SRSF4: variants seen among roughly 807,000 people sequenced by gnomAD.
SRSF4 encodes the protein serine and arginine rich splicing factor 4.
In SRSF4, 12 loss-of-function variants were observed where a neutral mutation model predicts 48.8. The ratio of observed to expected loss-of-function variants is 0.25; its 90% CI spans 0.16 to 0.40. The LOEUF (loss-of-function observed/expected upper bound fraction) is 0.40, where lower values mean the gene tolerates loss of function less well. Ranked by LOEUF, SRSF4 falls within the 10% of genes least tolerant of loss-of-function variation. The probability of loss-of-function intolerance (pLI) is 1.00; values close to 1 mark genes in which losing one functional copy is unlikely to be tolerated. For missense variants in SRSF4, 466 were observed against 667.1 expected (o/e 0.70, Z 3.32); for synonymous variants, 248 against 232.5 (o/e 1.07, Z -0.61).
At chr1:29,166,777 T>G (rs1166428738) in intron 1 of SRSF4, 1 of 152,276 alleles carries the variant, frequency 6.6e-6, no homozygotes, top group Admixed American at 6.5e-5. Context: ...GGGCTCACCA[T>G]TACCCAGTCT....
At chr1:29,173,254 C>T (rs1348502593) in intron 1 of SRSF4, 1 of 145,640 alleles carries the variant, frequency 6.9e-6, no homozygotes, top group Non-Finnish European at 1.5e-5. Flanking sequence ...TCTCCTACTT[C>T]AACCTCCCAA....
chr1:29,161,267 G>A (rs1672590503), intron 1 of SRSF4, among the ~76,000 whole-genome samples: 2 of 152,148 alleles, frequency 1.3e-5, no homozygotes, highest in African/African-American at 4.8e-5. Flanking sequence ...TAGCTAAAGT[G>A]CAAAATTTGT....
At chr1:29,178,550 G>T (rs1203555448) in intron 1 of SRSF4, among the ~76,000 whole-genome samples, 2 of 151,574 alleles carry the variant, frequency 1.3e-5, no homozygotes, top group South Asian at 2.1e-4. Flanking sequence ...TAGAGACGGG[G>T]TTTCACCATC....
chr1:29,179,628 T>A (rs1216895224), intron 1 of SRSF4, among the ~76,000 whole-genome samples: 1 of 152,206 alleles, frequency 6.6e-6, no homozygotes, highest in Non-Finnish European at 1.5e-5. Flanking sequence ...CAAGTCACCA[T>A]GCCTGAGCCC....
Position 29,147,785 on chromosome 1 carries a change from CAG to C in SRSF4, c.*623_*624del, listed in dbSNP as rs577869961. 1.1e-4 allele frequency: 18 copies of C among 168,832 alleles called. No individual in the cohort carries two copies. The highest frequency in any genetic ancestry group is 5.2e-4 in the Admixed American group (9 of 17,244). 10.5% of individuals were successfully genotyped at this position (168,832 alleles called of 1,614,324 possible). On this transcript the variant is annotated 3_prime_UTR_variant, in exon 6 of 6. Transcript: ENST00000373795. ...AGTCTTTATTCAAATTTAATGGAAA[CAG>C]GGGTCACTATACTTTGCAAGACGGG...
At chr1:29,177,174 A>G (rs1281615477) in intron 1 of SRSF4, among the ~76,000 whole-genome samples, 1 of 151,840 alleles carries the variant, frequency 6.6e-6, no homozygotes, top group Non-Finnish European at 1.5e-5. Flanking sequence ...CAAAGCCAAC[A>G]AAAGTTACCA....
At chr1:29,153,966 G>A (rs1672456695) in intron 4 of SRSF4, among the ~76,000 whole-genome samples, 1 of 151,850 alleles carries the variant, frequency 6.6e-6, no homozygotes, top group African/African-American at 2.4e-5. Context: ...GTGCGATCTC[G>A]GCTCACTGCA....
intron 1 of SRSF4, among the ~76,000 whole-genome samples, chr1:29,167,076 T>G (rs1035197858): frequency 6.0e-4 from 91 of 152,368 alleles, no homozygotes; most frequent in African/African-American, 1.8e-3. Context: ...CCTTCAGGGC[T>G]GTCTCTACCA....
intron 1 of SRSF4, among the ~76,000 whole-genome samples, chr1:29,177,001 T>C (rs927229649): frequency 7.6e-6 from 1 of 131,064 alleles, no homozygotes; most frequent in African/African-American, 2.5e-5. Context: ...ATAATCTTAA[T>C]ATGTGGTAAG....
intron 1 of SRSF4, among the ~76,000 whole-genome samples, chr1:29,178,915 T>C (rs758671183): frequency 3.9e-5 from 6 of 152,238 alleles, no homozygotes; most frequent in South Asian, 2.1e-4. Flanking sequence ...GGAGGTCATA[T>C]TGTGTGCTGT....
chr1:29,177,174 A>C (rs1281615477), intron 1 of SRSF4, among the ~76,000 whole-genome samples: 1 of 151,840 alleles, frequency 6.6e-6, no homozygotes, highest in Non-Finnish European at 1.5e-5. Flanking sequence ...CAAAGCCAAC[A>C]AAAGTTACCA....
chr1:29,180,602 G>A lies in SRSF4; in HGVS notation c.107+1044C>T, dbSNP rs1672940620. ...GCTATATTACAACTGTTGCAAAGTA[G>A]AGTTTCTTTTTTAAGCCAAGAGTTC... On this transcript the variant is annotated intron_variant, in intron 1 of 5. Coordinates refer to ENST00000373795, the MANE Select transcript of SRSF4 (RefSeq NM_005626.5). Among the ~76,000 whole-genome samples the A allele has an allele frequency of 2.0e-5, 3 of 152,162 alleles. No individual in the cohort carries two copies. The South Asian group carries it at 6.2e-4, about 32-fold the overall frequency.
chr1:29,148,690 G>A lies in SRSF4; in HGVS notation c.1205C>T (p.Ser402Phe). Residue 402 changes from serine (S) to phenylalanine (F), a missense_variant, in exon 6 of 6, where the codon TCC (serine) becomes TTC (phenylalanine). Transcript: ENST00000373795. ...GGAGCGGGATGGAGATCTGGACTGG[G>A]AGCGGTCAGTGTCTTCCTTCTTCTT... ...KKKKKEDTDR[S>F]QSRSPSRSVS... 2 of 1,614,082 alleles carry A rather than the reference G, an allele frequency of 1.2e-6. No individual in the cohort carries two copies. The highest frequency in any genetic ancestry group is 8.5e-7 in the Non-Finnish European group (1 of 1,180,020).
chr1:29,164,837 T>C (rs1468373160), intron 1 of SRSF4, among the ~76,000 whole-genome samples: 1 of 152,158 alleles, frequency 6.6e-6, no homozygotes, highest in African/African-American at 2.4e-5. Flanking sequence ...ACAACACCCT[T>C]CAAGTAAGAG....
chr1:29,177,296 T>TG (rs1672884639), intron 1 of SRSF4, among the ~76,000 whole-genome samples: 1 of 151,838 alleles, frequency 6.6e-6, no homozygotes, highest in Non-Finnish European at 1.5e-5. Context: ...TTTTTTTTTT[T>TG]TTGAGACGAA....
chr1:29,160,668 A>C, intron 1 of SRSF4, 151 bp from the exon 2 acceptor site: 1 of 807,320 alleles, frequency 1.2e-6, no homozygotes, highest in Admixed American at 3.7e-5. Flanking sequence ...AGGTGAAACC[A>C]CTTTGCTTTG....
chr1:29,160,885 T>A (rs998953334), intron 1 of SRSF4, among the ~76,000 whole-genome samples: 2 of 152,248 alleles, frequency 1.3e-5, no homozygotes, highest in Non-Finnish European at 2.9e-5. Context: ...ATAAAACTCA[T>A]CTTTTTTAGC....
chr1:29,149,255 C>G lies in SRSF4; in HGVS notation c.669-29G>C, dbSNP rs1419862406. 3 of 1,597,954 alleles carry G rather than the reference C, an allele frequency of 1.9e-6. No homozygotes were observed. The African/African-American group carries it at 4.0e-5, about 21-fold the overall frequency. The stretch of plus-strand genomic sequence containing the variant: ...AGGAGACATGGGATACTGTTTGTGT[C>G]ACATGTGACTTCATGCTAATCAGGA... On this transcript the variant is annotated intron_variant, in intron 5 of 5. Coordinates refer to ENST00000373795, the MANE Select transcript of SRSF4 (RefSeq NM_005626.5).
At position 29,148,214 on chromosome 1, in the gene SRSF4, T is replaced by G. The variant is rs1672336204; in HGVS notation, c.*196A>C. The stretch of plus-strand genomic sequence containing the variant: ...AAAGGGGATTTTCAAAGAGAAAATT[T>G]TTTTCAGTCGAGCAGGAAGGCCTGG... On this transcript the variant is annotated 3_prime_UTR_variant, in exon 6 of 6. Transcript: ENST00000373795. The G allele has an allele frequency of 1.2e-6, 1 of 811,082 alleles. No homozygotes were observed. The highest frequency in any genetic ancestry group is 1.7e-5 in the African/African-American group (1 of 59,262). The allele number at this position is 811,082 out of a possible 1,614,324, so 50.2% of individuals were successfully genotyped here.
Sources: gnomAD v4.1 joint callset for allele counts (sites outside exome capture counted in the v4.1 genomes callset) on GRCh38, gnomAD v4.1.1 for gene constraint, MANE v1.5 for transcripts, NCBI Gene and HGNC (gene_info 2026-07-23, HGNC 2026-07-21) for gene names.